CSMD2: variants seen among roughly 807,000 people sequenced by gnomAD.
The protein encoded by CSMD2 is CUB and sushi domain-containing protein 2.
Under a neutral mutation model 398.5 loss-of-function variants are expected in CSMD2, and 130 were observed. The ratio of observed to expected loss-of-function variants is 0.33; its 90% confidence interval spans 0.28 to 0.38. The LOEUF (loss-of-function observed/expected upper bound fraction) is 0.38, where lower values mean the gene tolerates loss of function less well. CSMD2 is among the 10% of genes least tolerant of loss of function. The pLI, the probability that CSMD2 is intolerant of heterozygous loss-of-function variation, is 1.00. For missense variants in CSMD2, 3,829 were observed against 4,764.9 expected (o/e 0.80, Z 5.78); for synonymous variants, 1,828 against 1,908.5 (o/e 0.96, Z 1.10).
intron 12 of CSMD2, among the ~76,000 whole-genome samples, chr1:33,783,331 C>G (rs1044831766): frequency 1.3e-5 from 2 of 152,032 alleles, no homozygotes; most frequent in African/African-American, 4.8e-5. Flanking sequence ...AAGATGGGGC[C>G]TCTAAGGAAG....
chr1:33,520,246 A>G (rs1654147272), intron 68 of CSMD2, among the ~76,000 whole-genome samples: 1 of 152,254 alleles, frequency 6.6e-6, no homozygotes, highest in Admixed American at 6.5e-5. Flanking sequence ...ACAAGGGTGC[A>G]GCCCTTTAGA....
intron 62 of CSMD2, among the ~76,000 whole-genome samples, chr1:33,534,935 T>C (rs748279010): frequency 5.9e-5 from 9 of 152,196 alleles, no homozygotes; most frequent in Non-Finnish European, 1.3e-4. Flanking sequence ...CCTGGAGTCA[T>C]GACAACAGTG....
chr1:33,956,889 T>C (rs1645188048), intron 3 of CSMD2, among the ~76,000 whole-genome samples: 1 of 152,024 alleles, frequency 6.6e-6, no homozygotes, highest in Admixed American at 6.5e-5. Flanking sequence ...CATCTCCCTT[T>C]AAATAAGAAT....
intron 3 of CSMD2, among the ~76,000 whole-genome samples, chr1:33,939,445 G>A (rs1330869835): frequency 6.6e-6 from 1 of 152,190 alleles, no homozygotes; most frequent in Non-Finnish European, 1.5e-5. Context: ...AGCAAGCTAA[G>A]GTGAGGGGAG....
At chr1:33,804,897 G>A (rs10737374) in intron 10 of CSMD2, 545,974 of 717,198 alleles carry the variant, frequency 0.76, 211,679 homozygotes, top group East Asian at 0.97. Flanking sequence ...GTCTCCTCCC[G>A]CCTGGATCAG....
intron 62 of CSMD2, among the ~76,000 whole-genome samples, chr1:33,536,384 C>T (rs907230983): frequency 2.6e-5 from 4 of 152,146 alleles, no homozygotes; most frequent in South Asian, 4.1e-4. Flanking sequence ...CCACCATGCC[C>T]GGCTAATGTT....
At chr1:33,770,152 T>C (rs1651066730) in intron 13 of CSMD2, among the ~76,000 whole-genome samples, 1 of 152,238 alleles carries the variant, frequency 6.6e-6, no homozygotes, top group African/African-American at 2.4e-5. Context: ...GGACTATTCA[T>C]GTCATAGTCA....
intron 7 of CSMD2, among the ~76,000 whole-genome samples, chr1:33,821,093 G>A (rs924138836): frequency 1.3e-5 from 2 of 152,212 alleles, no homozygotes; most frequent in African/African-American, 2.4e-5. Context: ...CATTTCTTCT[G>A]AGAAACCTCT....
At chr1:34,128,793 C>T (rs1489893950) in intron 1 of CSMD2, among the ~76,000 whole-genome samples, 1 of 152,102 alleles carries the variant, frequency 6.6e-6, no homozygotes, top group Non-Finnish European at 1.5e-5. Flanking sequence ...CGTCCCTAAA[C>T]TCTGCCAGCT....
chr1:33,879,198 T>C (rs1390501974), intron 5 of CSMD2, among the ~76,000 whole-genome samples: 1 of 152,214 alleles, frequency 6.6e-6, no homozygotes, highest in Non-Finnish European at 1.5e-5. Flanking sequence ...AAATTCATTA[T>C]GAGCCCCTTT....
chr1:33,849,089 A>G (rs960738654), intron 5 of CSMD2, among the ~76,000 whole-genome samples: 7 of 152,136 alleles, frequency 4.6e-5, no homozygotes, highest in African/African-American at 1.7e-4. Flanking sequence ...TCTCCCACAC[A>G]TTTACCCACT....
In CSMD2 at chr1:33,980,105, G is replaced by C. The variant is rs376362786; in HGVS notation, c.518-44151C>G. 7.9e-5 allele frequency among the ~76,000 whole-genome samples: 12 copies of C among 152,278 alleles called. No individual in the cohort carries two copies. The East Asian group carries it at 1.7e-3, about 22-fold the overall frequency. ...CCAAGGCAGTGGGCACCAGTGGCCAGAACCCTCAACTCTTATCTGGGGCTG... is the reference window on the plus strand; with the variant it reads ...CCAAGGCAGTGGGCACCAGTGGCCACAACCCTCAACTCTTATCTGGGGCTG... On this transcript the variant is annotated intron_variant, in intron 3 of 70. Transcript: ENST00000373381.
At chr1:33,883,870 T>C (rs1641404075) in intron 5 of CSMD2, among the ~76,000 whole-genome samples, 1 of 152,228 alleles carries the variant, frequency 6.6e-6, no homozygotes, top group Non-Finnish European at 1.5e-5. Flanking sequence ...ACCAGGGCTC[T>C]TCAATATAAC....
chr1:33,714,334 C>T (rs940060950), intron 21 of CSMD2, among the ~76,000 whole-genome samples: 1 of 152,168 alleles, frequency 6.6e-6, no homozygotes, highest in Admixed American at 6.5e-5. Context: ...CACTGTGGAC[C>T]TAATTTGTAA....
intron 41 of CSMD2, 62 bp downstream of exon 41, chr1:33,610,979 G>T: frequency 6.7e-7 from 1 of 1,490,362 alleles, no homozygotes; most frequent in African/African-American, 1.4e-5. Flanking sequence ...CTGGGAAGGT[G>T]GGTGGCTGGG....
At chr1:33,590,253 C>T (rs1639339198) in intron 44 of CSMD2, among the ~76,000 whole-genome samples, 1 of 150,032 alleles carries the variant, frequency 6.7e-6, no homozygotes, top group African/African-American at 2.5e-5. Context: ...TCCCAAGTAG[C>T]TGGGACTACA....
intron 22 of CSMD2, among the ~76,000 whole-genome samples, chr1:33,707,341 G>A (rs1418593158): frequency 1.3e-5 from 2 of 152,198 alleles, no homozygotes; most frequent in East Asian, 1.9e-4. Context: ...CCCAGCTTGC[G>A]TTACTCCATC....
intron 2 of CSMD2, among the ~76,000 whole-genome samples, chr1:34,076,928 A>AAAAAAATATATATATATAT (rs1232288848): frequency 1.9e-5 from 1 of 53,600 alleles, no homozygotes; most frequent in Non-Finnish European, 3.2e-5. Context: ...AAAAAAAAAA[A>AAAAAAATATATATATATAT]ATATATATAT....
chr1:34,025,606 C>T (rs1406088707), intron 3 of CSMD2, among the ~76,000 whole-genome samples: 1 of 152,122 alleles, frequency 6.6e-6, no homozygotes, highest in Non-Finnish European at 1.5e-5. Flanking sequence ...GTGTGTGTCA[C>T]AGTTTTCAAA....
Sources: gnomAD v4.1 joint callset for allele counts (sites outside exome capture counted in the v4.1 genomes callset) on GRCh38, gnomAD v4.1.1 for gene constraint, MANE v1.5 for transcripts, NCBI Gene and HGNC (gene_info 2026-07-23, HGNC 2026-07-21) for gene names.